Variants in MTX2 observed in about 807,000 individuals in gnomAD.
MTX2 encodes the protein metaxin-2.
MTX2 carries 35 observed loss-of-function variants against 42.3 expected under a neutral mutation model. The ratio of observed to expected loss-of-function variants is 0.83; its 90% CI spans 0.63 to 1.10. MTX2 has a LOEUF of 1.10. Among genes scored for constraint, MTX2 ranks in the 50% least tolerant of loss-of-function variants. MTX2 has a pLI of 0.00. For synonymous variants in MTX2, 119 were observed against 100.9 expected (o/e 1.18, Z -1.08); for missense variants, 307 against 304.1 (o/e 1.01, Z -0.07).
At chr2:176,294,854 C>T (rs1683817896) in intron 1 of MTX2, among the ~76,000 whole-genome samples, 1 of 152,074 alleles carries the variant, frequency 6.6e-6, no homozygotes, top group Non-Finnish European at 1.5e-5. Flanking sequence ...TGGGGAAAAA[C>T]GGCAATACTT....
intron 1 of MTX2, among the ~76,000 whole-genome samples, chr2:176,273,619 G>C (rs1461297464): frequency 6.6e-6 from 1 of 152,018 alleles, no homozygotes. Context: ...TATTCATAAG[G>C]ATATCTTTTT....
chr2:176,282,100 A>G (rs1693090179), intron 1 of MTX2, among the ~76,000 whole-genome samples: 1 of 98,662 alleles, frequency 1.0e-5, no homozygotes, highest in Non-Finnish European at 2.1e-5. Context: ...AATTGGTTCA[A>G]TGATATTATT....
At chr2:176,331,310 C>T (rs151166411) in intron 9 of MTX2, among the ~76,000 whole-genome samples, 1 of 151,000 alleles carries the variant, frequency 6.6e-6, no homozygotes, top group Non-Finnish European at 1.5e-5. Flanking sequence ...TTTAATATAT[C>T]AGAATCAGCT....
At chr2:176,307,985 A>G (rs570385415) in intron 3 of MTX2, among the ~76,000 whole-genome samples, 1 of 152,120 alleles carries the variant, frequency 6.6e-6, no homozygotes, top group African/African-American at 2.4e-5. Flanking sequence ...CGGGTTTTCA[A>G]AGGGAGTGCT....
intron 8 of MTX2, 135 bp downstream of exon 8, chr2:176,329,561 A>G: frequency 2.2e-6 from 2 of 925,282 alleles, no homozygotes; most frequent in Non-Finnish European, 1.5e-6. Context: ...CACTAACATG[A>G]AGTAATTTTA....
chr2:176,322,051 A>C (rs1264214978), intron 3 of MTX2, among the ~76,000 whole-genome samples: 2 of 152,164 alleles, frequency 1.3e-5, no homozygotes, highest in African/African-American at 4.8e-5. Flanking sequence ...AGGAGATCAG[A>C]CATGCATACA....
chr2:176,299,586 C>T (rs1880224), intron 3 of MTX2, among the ~76,000 whole-genome samples: 28 of 151,848 alleles, frequency 1.8e-4, no homozygotes, highest in Non-Finnish European at 3.4e-4. Flanking sequence ...TGATAAATTA[C>T]GCAGCATATA....
chr2:176,327,575 T>C, intron 5 of MTX2, among the ~76,000 whole-genome samples: 1 of 118,052 alleles, frequency 8.5e-6, no homozygotes, highest in Non-Finnish European at 2.0e-5. Context: ...ATATATATAT[T>C]ATTTTTTTTT....
At position 176,269,658 on chromosome 2, in the gene MTX2, C is replaced by A. The variant is rs551177944; in HGVS notation, c.29C>A (p.Ser10Tyr). ...TCTCTAGTGGCGGAAGCCTTCGTCT[C>A]CCAGATTGCAGGTAGCGCGGCTGGC... is the stretch of plus-strand genomic sequence containing the variant. MSLVAEAFV[S>Y]QIAAAEPWPE... is the part of the protein sequence containing the mutation. Residue 10 changes from serine to tyrosine, a missense_variant, in exon 1 of 10, where the codon TCC becomes TAC. By Grantham distance (144) the Ser-to-Tyr change is moderately radical. Transcript: ENST00000249442. 1.1e-5 allele frequency: 18 copies of A among 1,598,140 alleles called. No homozygotes were observed. Among genetic ancestry groups the A allele is most frequent in the Non-Finnish European group, 1.5e-5 (18 of 1,175,044 alleles).
At chr2:176,329,064 AT>A (rs1403426028) in intron 7 of MTX2, 152 bp downstream of exon 7, 3 of 868,072 alleles carry the variant, frequency 3.5e-6, no homozygotes, top group Non-Finnish European at 5.2e-6. Context: ...TGCACATAAC[AT>A]TTTAGGGAAG....
At chr2:176,278,786 T>C (rs895212785) in intron 1 of MTX2, among the ~76,000 whole-genome samples, 2 of 152,052 alleles carry the variant, frequency 1.3e-5, no homozygotes, top group Non-Finnish European at 2.9e-5. Context: ...ACAGAAGTTA[T>C]AATATTCAGT....
At chr2:176,295,273 A>G (rs1002807131) in intron 1 of MTX2, among the ~76,000 whole-genome samples, 1 of 152,198 alleles carries the variant, frequency 6.6e-6, no homozygotes, top group African/African-American at 2.4e-5. Flanking sequence ...AGAATTTTAT[A>G]ACGAATCTCA....
intron 3 of MTX2, among the ~76,000 whole-genome samples, chr2:176,322,920 A>G (rs1684618826): frequency 6.6e-6 from 1 of 151,884 alleles, no homozygotes; most frequent in Admixed American, 6.6e-5. Context: ...ATGTTGGAAT[A>G]TAGGGTATTA....
At chr2:176,330,903 TATG>T (rs896615354) in intron 9 of MTX2, among the ~76,000 whole-genome samples, 3 of 151,090 alleles carry the variant, frequency 2.0e-5, no homozygotes, top group Non-Finnish European at 4.5e-5. Context: ...TCAATCATTG[TATG>T]ATAAGGTTTT....
At chr2:176,333,109 G>A (rs995337501) in intron 9 of MTX2, among the ~76,000 whole-genome samples, 5 of 151,354 alleles carry the variant, frequency 3.3e-5, no homozygotes, top group African/African-American at 1.2e-4. Flanking sequence ...AATTTCTTAG[G>A]ACTTTAAAAA....
chr2:176,307,742 C>A (rs1220857275), intron 3 of MTX2, among the ~76,000 whole-genome samples: 3 of 152,134 alleles, frequency 2.0e-5, no homozygotes, highest in Non-Finnish European at 4.4e-5. Context: ...GATTTTTGCA[C>A]ATTGATTTTG....
At chr2:176,324,862 T>A (rs1684673235) in intron 4 of MTX2, among the ~76,000 whole-genome samples, 1 of 151,754 alleles carries the variant, frequency 6.6e-6, no homozygotes, top group Admixed American at 6.6e-5. Flanking sequence ...TTAAACTTTA[T>A]CATATCTCAG....
At chr2:176,323,941 T>TA (rs1374578877) in intron 4 of MTX2, among the ~76,000 whole-genome samples, 2 of 151,684 alleles carry the variant, frequency 1.3e-5, no homozygotes, top group African/African-American at 2.4e-5. Flanking sequence ...GGTTTCTAAT[T>TA]ATTTTTTCTA....
intron 9 of MTX2, among the ~76,000 whole-genome samples, chr2:176,336,938 C>A (rs1440871756): frequency 1.3e-5 from 2 of 151,976 alleles, no homozygotes; most frequent in Non-Finnish European, 2.9e-5. Flanking sequence ...GAGTTCAAGT[C>A]TCTTATATAA....
Sources: allele counts gnomAD v4.1 joint callset (sites outside exome capture counted in the v4.1 genomes callset), GRCh38; gene constraint gnomAD v4.1.1; transcripts MANE v1.5; gene names NCBI Gene and HGNC (gene_info 2026-07-23, HGNC 2026-07-21).